Variants in NCAPD3 observed in about 807,000 individuals in gnomAD.
NCAPD3 encodes non-SMC condensin II complex subunit D3, also known as condensin-2 complex subunit D3.
A neutral mutation model predicts 182.9 loss-of-function variants in NCAPD3; 105 were observed. That is an observed-to-expected ratio of 0.57 (90% CI 0.49 to 0.68). The LOEUF (loss-of-function observed/expected upper bound fraction) is 0.68, where lower values mean the gene tolerates loss of function less well. Ranked by LOEUF, NCAPD3 falls within the 30% of genes least tolerant of loss-of-function variation. The pLI, the probability that NCAPD3 is intolerant of heterozygous loss-of-function variation, is 0.00. For synonymous variants in NCAPD3, 815 were observed against 679.9 expected (o/e 1.20, Z -3.09); for missense variants, 1,944 against 1,837.0 (o/e 1.06, Z -1.07).
intron 20 of NCAPD3, among the ~76,000 whole-genome samples, chr11:134,180,797 T>C (rs1336684047): frequency 1.3e-5 from 2 of 152,192 alleles, no homozygotes; most frequent in South Asian, 2.1e-4. Context: ...ATACCAACCT[T>C]ACAACACATA....
At chr11:134,161,413 A>T (rs1943576748) in intron 28 of NCAPD3, among the ~76,000 whole-genome samples, 1 of 152,158 alleles carries the variant, frequency 6.6e-6, no homozygotes, top group African/African-American at 2.4e-5. Context: ...TGCAAAAGGT[A>T]AGCACCCTGA....
chr11:134,179,163 A>C (rs1944236691), intron 20 of NCAPD3, among the ~76,000 whole-genome samples: 1 of 152,212 alleles, frequency 6.6e-6, no homozygotes, highest in African/African-American at 2.4e-5. Flanking sequence ...AAATCTAGAC[A>C]CATCTGCAAG....
rs1014484446 is a variant in NCAPD3 at position 134,223,735 on chromosome 11, C to G, written c.64+128G>C. On this transcript the variant is annotated intron_variant, in intron 1 of 34. Transcript: ENST00000534548. ...CTGGCGTGGCACGGCCCTGGGGACC[C>G]CAGGCACCGCCGACAGCCGGGCGCC... 2.6e-6 allele frequency: 3 copies of G among 1,166,230 alleles called. No homozygotes were observed. The African/African-American group carries it at 4.6e-5, about 18-fold the overall frequency. The allele number at this position is 1,166,230 out of a possible 1,614,324, so 72.2% of individuals were successfully genotyped here. A position where few individuals can be genotyped will look rare whatever the true frequency, so the allele number is the denominator to read the frequency against.
chr11:134,192,577 T>C (rs1213298523), intron 16 of NCAPD3, 112 bp downstream of exon 16: 2 of 864,076 alleles, frequency 2.3e-6, no homozygotes, highest in African/African-American at 3.4e-5. Context: ...AATCTTCACA[T>C]ACACTAAGTA....
At chr11:134,185,252 T>C (rs573184398) in intron 17 of NCAPD3, 83 bp downstream of exon 17, 16 of 1,273,342 alleles carry the variant, frequency 1.3e-5, no homozygotes, top group Admixed American at 2.8e-5. Context: ...TGAATAGCTA[T>C]GAAAAAGCTC....
intron 31 of NCAPD3, among the ~76,000 whole-genome samples, chr11:134,157,649 A>G (rs1943460977): frequency 6.6e-6 from 1 of 152,214 alleles, no homozygotes; most frequent in Admixed American, 6.5e-5. Flanking sequence ...ACAGATCACA[A>G]TTCCATAAAC....
chr11:134,223,574 G>A (rs1938327550), intron 1 of NCAPD3: 2 of 683,204 alleles, frequency 2.9e-6, no homozygotes, highest in East Asian at 2.7e-5. Flanking sequence ...ATAGGTGCAC[G>A]AAGACACGCA....
At chr11:134,205,336 G>T (rs989207394) in intron 8 of NCAPD3, among the ~76,000 whole-genome samples, 18 of 151,992 alleles carry the variant, frequency 1.2e-4, no homozygotes, top group Admixed American at 4.6e-4. Flanking sequence ...TCAGTGAAAT[G>T]CATTAGTAAC....
rs531031092 is a variant in NCAPD3 at position 134,208,953 on chromosome 11, T to TA, written c.795-3dup. ...ATGTATTTTGCTTGGTTAAGAGCTC[T>TA]AAAAAAAAAAGACGAAATATTAGTT... On this transcript the variant is annotated splice_polypyrimidine_tract_variant and splice_region_variant and intron_variant, in intron 6 of 34. Transcript: ENST00000534548. 15,131 of 1,230,190 alleles carry TA rather than the reference T, an allele frequency of 0.012. No homozygotes were observed. The highest frequency in any genetic ancestry group is 0.014 in the Non-Finnish European group (12,521 of 906,446). 76.2% of individuals were successfully genotyped at this position (1,230,190 alleles called of 1,614,324 possible). A position where few individuals can be genotyped will look rare whatever the true frequency, so the allele number is the denominator to read the frequency against.
In NCAPD3 at chr11:134,152,952, C is replaced by T. The variant is rs1943299147; in HGVS notation, c.4489G>A (p.Ala1497Thr). ...RSLRKTPLKTAN is the reference protein window; with the variant it reads ...RSLRKTPLKTTN ...CTGGTGGGAGGCGCTGTTTAGTTGG[C>T]TGTTTTCAGAGGGGTCTTTCGGAGG... Residue 1497 changes from alanine to threonine, a missense_variant, in exon 35 of 35, where the codon GCC (alanine) becomes ACC (threonine). Physicochemically the swap from Ala to Thr is moderately conservative, Grantham distance 58 (BLOSUM62 0). Around this residue, in one of 3 missense-constraint regions of NCAPD3, gnomAD observed 1,803 missense variants for 1,674.6 expected, o/e 1.08. Transcript: ENST00000534548. 6.4e-7 allele frequency: 1 copy of T among 1,551,910 alleles called. No homozygotes were observed. Among genetic ancestry groups the T allele is most frequent in the South Asian group, 1.3e-5 (1 of 79,676 alleles).
At position 134,221,720 on chromosome 11, in the gene NCAPD3, G is replaced by A. The variant is rs892612222; in HGVS notation, c.65-994C>T. ...GAGAAGTTGGGCAAGGTATAAATAA[G>A]GAAAAAACAGAGATGGGAGCATTAC... is the stretch of plus-strand genomic sequence containing the variant. On this transcript the variant is annotated intron_variant, in intron 1 of 34. Transcript: ENST00000534548. Among the ~76,000 whole-genome samples the A allele has an allele frequency of 4.6e-5, 7 of 152,186 alleles. No homozygotes were observed. In the South Asian group the frequency reaches 1.2e-3, roughly 27 times the overall value.
chr11:134,156,233 G>C (rs1165007265), intron 32 of NCAPD3, among the ~76,000 whole-genome samples: 2 of 152,154 alleles, frequency 1.3e-5, no homozygotes, highest in African/African-American at 4.8e-5. Flanking sequence ...CAGGCACTGT[G>C]GTCTGTGGAA....
chr11:134,178,891 C>G lies in NCAPD3; in HGVS notation c.2605G>C (p.Ala869Pro). ...AGGAAGATGCGCTTCTCCACCCTGG[C>G]TGGACACAGCTGGGCTATATCCCCT... is the stretch of plus-strand genomic sequence containing the variant. ...TLGDIAQLCP[A>P]RVEKRIFLLI... Residue 869 changes from alanine (A) to proline (P), a missense_variant, in exon 21 of 35, where the codon GCC becomes CCC. Physicochemically the swap from Ala to Pro is conservative, Grantham distance 27. Coordinates refer to ENST00000534548, the MANE Select transcript of NCAPD3 (RefSeq NM_015261.3). 1 of 1,614,146 alleles carries G rather than the reference C, an allele frequency of 6.2e-7. No individual in the cohort carries two copies. The highest frequency in any genetic ancestry group is 1.6e-4 in the Middle Eastern group (1 of 6,062).
chr11:134,169,924 C>T (rs1423544230), intron 24 of NCAPD3, among the ~76,000 whole-genome samples: 1 of 152,248 alleles, frequency 6.6e-6, no homozygotes, highest in African/African-American at 2.4e-5. Context: ...TTTCCACCCA[C>T]ACAGGAGCAC....
intron 8 of NCAPD3, 106 bp downstream of exon 8, chr11:134,206,493 C>T: frequency 1.4e-6 from 2 of 1,463,258 alleles, no homozygotes; most frequent in Non-Finnish European, 1.9e-6. Context: ...CCAAAACCAC[C>T]ATCAGGCCAG....
intron 27 of NCAPD3, among the ~76,000 whole-genome samples, chr11:134,167,691 G>C (rs1267165594): frequency 7.8e-5 from 6 of 77,088 alleles, no homozygotes; most frequent in East Asian, 4.7e-4. Flanking sequence ...TTGGGGGAGG[G>C]GCACACTCAC....
upstream of NCAPD3, chr11:134,224,048 C>G: frequency 1.6e-6 from 2 of 1,221,634 alleles, no homozygotes; most frequent in Non-Finnish European, 2.3e-6. Flanking sequence ...CCAACCACCG[C>G]GCCGAGCCGT....
chr11:134,165,835 G>A (rs1172812913), intron 27 of NCAPD3, among the ~76,000 whole-genome samples: 1 of 135,052 alleles, frequency 7.4e-6, no homozygotes, highest in Non-Finnish European at 1.6e-5. Flanking sequence ...TGGGGGAGGC[G>A]CACACTCGTG....
At chr11:134,191,306 CAA>C (rs1372954795) in intron 16 of NCAPD3, among the ~76,000 whole-genome samples, 3 of 151,644 alleles carry the variant, frequency 2.0e-5, no homozygotes, top group South Asian at 4.2e-4. Context: ...AATCAGAAGT[CAA>C]GAGTAATTTC....
Sources: allele counts gnomAD v4.1 joint callset (sites outside exome capture counted in the v4.1 genomes callset), GRCh38; gene constraint gnomAD v4.1.1; regional missense constraint gnomAD v4.1.1; transcripts MANE v1.5; gene names NCBI Gene and HGNC (gene_info 2026-07-23, HGNC 2026-07-21).